Variants in TMEM178B observed in about 807,000 individuals in gnomAD.
The protein encoded by TMEM178B is transmembrane protein 178B.
In TMEM178B, 5 loss-of-function variants were observed where a neutral mutation model predicts 31.0. The observed-to-expected ratio is 0.16, with a 90% CI of 0.08 to 0.34. TMEM178B has a LOEUF of 0.34. Among genes scored for constraint, TMEM178B ranks in the 10% least tolerant of loss-of-function variants. The pLI is 1.00. For missense variants in TMEM178B, 275 were observed against 400.3 expected (o/e 0.69, Z 2.67); for synonymous variants, 164 against 164.0 (o/e 1.00, Z 0.00).
In TMEM178B at chr7:141,437,591, C is replaced by T. The variant is rs140565454; in HGVS notation, c.497-17C>T. 2.2e-4 allele frequency: 342 copies of T among 1,535,626 alleles called. 2 individuals carry two copies. The African/African-American group carries it at 4.0e-3, about 18-fold the overall frequency. On this transcript the variant is annotated splice_polypyrimidine_tract_variant and intron_variant, in intron 2 of 3. Transcript: ENST00000565468. ...CCAGGCTCTGCTGCTGACTGTTGCT[C>T]GCCTGCTTCCCCACAGACCTGCGCA...
chr7:141,109,554 G>A (rs1321197150), intron 1 of TMEM178B, among the ~76,000 whole-genome samples: 1 of 152,126 alleles, frequency 6.6e-6, no homozygotes, highest in Non-Finnish European at 1.5e-5. Flanking sequence ...CATGTTTATT[G>A]GTGTGATTGT....
chr7:141,386,647 A>T (rs1800435799), intron 2 of TMEM178B, among the ~76,000 whole-genome samples: 1 of 152,042 alleles, frequency 6.6e-6, no homozygotes, highest in Non-Finnish European at 1.5e-5. Context: ...TTCTAGGGGG[A>T]TGTCATGAGT....
At chr7:141,313,306 A>G (rs1371460791) in intron 2 of TMEM178B, among the ~76,000 whole-genome samples, 1 of 152,126 alleles carries the variant, frequency 6.6e-6, no homozygotes, top group Non-Finnish European at 1.5e-5. Context: ...GCAACCACTA[A>G]GCTGATCAGA....
intron 2 of TMEM178B, among the ~76,000 whole-genome samples, chr7:141,275,733 A>G (rs1798256304): frequency 6.6e-6 from 1 of 152,216 alleles, no homozygotes; most frequent in South Asian, 2.1e-4. Context: ...TTCATGGAAA[A>G]ATGGCAATAT....
chr7:141,300,960 T>A (rs1798713378), intron 2 of TMEM178B, among the ~76,000 whole-genome samples: 1 of 152,240 alleles, frequency 6.6e-6, no homozygotes, highest in South Asian at 2.1e-4. Context: ...TGTCTGCCTC[T>A]CCTGAATAAG....
intron 2 of TMEM178B, among the ~76,000 whole-genome samples, chr7:141,331,677 G>T (rs1284957615): frequency 6.6e-6 from 1 of 152,170 alleles, no homozygotes; most frequent in Non-Finnish European, 1.5e-5. Flanking sequence ...AAGGAAATGG[G>T]GAGGGGTAGT....
chr7:141,122,952 C>G (rs1473689634), intron 1 of TMEM178B, among the ~76,000 whole-genome samples: 1 of 152,226 alleles, frequency 6.6e-6, no homozygotes, highest in Non-Finnish European at 1.5e-5. Context: ...AAAACATTCT[C>G]AAAGCTGGAA....
At chr7:141,368,330 A>G (rs1800048873) in intron 2 of TMEM178B, among the ~76,000 whole-genome samples, 1 of 152,206 alleles carries the variant, frequency 6.6e-6, no homozygotes, top group African/African-American at 2.4e-5. Flanking sequence ...AAAAGGAAAA[A>G]TGATCTGAAA....
chr7:141,206,228 A>G (rs1359797121), intron 1 of TMEM178B, among the ~76,000 whole-genome samples: 2 of 152,224 alleles, frequency 1.3e-5, no homozygotes, highest in Non-Finnish European at 2.9e-5. Flanking sequence ...GTAATGGAAC[A>G]GTCTCTTCCC....
intron 1 of TMEM178B, among the ~76,000 whole-genome samples, chr7:141,174,516 A>G (rs899506305): frequency 3.4e-4 from 52 of 152,338 alleles, no homozygotes; most frequent in Non-Finnish European, 5.9e-4. Context: ...TTCTAGTTCT[A>G]GATCCTTGAG....
At chr7:141,182,869 A>G (rs1380063469) in intron 1 of TMEM178B, among the ~76,000 whole-genome samples, 1 of 152,218 alleles carries the variant, frequency 6.6e-6, no homozygotes. Context: ...TTCCTTAGCC[A>G]TGCTGAACTG....
intron 1 of TMEM178B, among the ~76,000 whole-genome samples, chr7:141,197,114 G>T (rs1401492073): frequency 6.6e-6 from 1 of 152,146 alleles, no homozygotes; most frequent in Admixed American, 6.5e-5. Context: ...TGTCCCAAAT[G>T]GTGCCATAGT....
intron 2 of TMEM178B, among the ~76,000 whole-genome samples, chr7:141,340,053 C>A (rs1799490451): frequency 6.6e-6 from 1 of 152,176 alleles, no homozygotes; most frequent in Non-Finnish European, 1.5e-5. Flanking sequence ...AACCTGTGAA[C>A]ATGTTATCTT....
intron 2 of TMEM178B, among the ~76,000 whole-genome samples, chr7:141,268,713 G>A (rs973688715): frequency 1.3e-5 from 2 of 152,230 alleles, no homozygotes; most frequent in African/African-American, 4.8e-5. Context: ...AATTGTAACA[G>A]GAGATGGAAC....
chr7:141,204,266 G>A (rs572975749), intron 1 of TMEM178B, among the ~76,000 whole-genome samples: 2 of 152,300 alleles, frequency 1.3e-5, no homozygotes, highest in Admixed American at 1.3e-4. Flanking sequence ...TTCAATTCCA[G>A]GGGGACCCTC....
rs185000058 is a variant in TMEM178B at position 141,098,083 on chromosome 7, C to A, written c.382+23391C>A. Among the ~76,000 whole-genome samples, 155 of 152,296 alleles carry A rather than the reference C, an allele frequency of 1.0e-3. 1 individual carries two copies. Among genetic ancestry groups the A allele is most frequent in the African/African-American group, 3.5e-3 (146 of 41,572 alleles). ...CTAAGATTACAGGCATAAGCCATCA[C>A]ACCCAGCCAGATTTTCTACTGTGAT... On this transcript the variant is annotated intron_variant, in intron 1 of 3. Transcript: ENST00000565468.
chr7:141,262,602 C>T (rs957598551), intron 2 of TMEM178B, among the ~76,000 whole-genome samples: 1 of 151,562 alleles, frequency 6.6e-6, no homozygotes, highest in Admixed American at 6.6e-5. Flanking sequence ...TATGATTCAG[C>T]TGGCAATTTG....
In TMEM178B at chr7:141,422,692, T is replaced by C. The variant is rs1289871703; in HGVS notation, c.497-14916T>C. 1.3e-5 allele frequency among the ~76,000 whole-genome samples: 2 copies of C among 152,120 alleles called. No homozygotes were observed. Among genetic ancestry groups the C allele is most frequent in the Admixed American group, 1.3e-4 (2 of 15,272 alleles). ...CACATAGCTCTCTGTGTGGTTCTCT[T>C]GAGGGCCTTTTTCTGTCCTTGAGCC... On this transcript the variant is annotated intron_variant, in intron 2 of 3. Transcript: ENST00000565468. This position sits in a 1 kb window ranked among gnomAD's most constrained non-coding sequence, Gnocchi z 4.2.
At chr7:141,304,920 A>G (rs74973220) in intron 2 of TMEM178B, among the ~76,000 whole-genome samples, 2,300 of 152,188 alleles carry the variant, frequency 0.015, 29 homozygotes, top group Non-Finnish European at 0.023. Context: ...CACACCCACT[A>G]TGGGGCAAAT....
Sources: allele counts gnomAD v4.1 joint callset (sites outside exome capture counted in the v4.1 genomes callset), GRCh38; gene constraint gnomAD v4.1.1; non-coding constraint Gnocchi (gnomAD v3.1); transcripts MANE v1.5; gene names NCBI Gene and HGNC (gene_info 2026-07-23, HGNC 2026-07-21).